COL14A1: variants seen among roughly 807,000 people sequenced by gnomAD.
COL14A1 encodes the protein collagen alpha-1(XIV) chain.
Under a neutral mutation model 230.3 loss-of-function variants are expected in COL14A1, and 136 were observed. That is an observed-to-expected ratio of 0.59 (90% CI 0.51 to 0.68). COL14A1 has a LOEUF of 0.68. Ranked by LOEUF, COL14A1 falls within the 30% of genes least tolerant of loss-of-function variation. The pLI, the probability that COL14A1 is intolerant of heterozygous loss-of-function variation, is 0.00. For missense variants in COL14A1, 1,976 were observed against 2,215.8 expected, an observed-to-expected ratio of 0.89 and a Z score of 2.17; for synonymous variants, 792 against 784.1, an observed-to-expected ratio of 1.01 and a Z score of -0.17.
chr8:120,297,471 A>T (rs777482878), intron 34 of COL14A1, 40 bp from the exon 35 acceptor site: 1 of 992,562 alleles, frequency 1.0e-6, no homozygotes, highest in Non-Finnish European at 1.4e-6. Context: ...GATAATTTAT[A>T]TATATTTTAT....
chr8:120,239,946 G>A (rs1362603131), intron 19 of COL14A1, among the ~76,000 whole-genome samples: 6 of 151,536 alleles, frequency 4.0e-5, no homozygotes, highest in Non-Finnish European at 5.9e-5. Flanking sequence ...TATCATGCAT[G>A]CACTTGTAAG....
rs758294258 is a variant in COL14A1, at chr8:120,372,629, A to T, written c.*1398A>T. 2.6e-5 allele frequency among the ~76,000 whole-genome samples: 4 copies of T among 152,126 alleles called. No individual in the cohort carries two copies. In the South Asian group the frequency reaches 8.3e-4, roughly 32 times the overall value. ...CAACTAGAAGCTGGATTCTTTCTGG[A>T]TCAGGAAAAGGCTAACACGAAGGAT... On this transcript the variant is annotated 3_prime_UTR_variant, in exon 48 of 48. Coordinates refer to ENST00000297848, the MANE Select transcript of COL14A1 (RefSeq NM_021110.4).
chr8:120,188,282 A>G (rs1816706455), intron 5 of COL14A1, among the ~76,000 whole-genome samples: 1 of 152,032 alleles, frequency 6.6e-6, no homozygotes, highest in Non-Finnish European at 1.5e-5. Flanking sequence ...GGGTTTCACC[A>G]TGTTAGCCAG....
intron 5 of COL14A1, among the ~76,000 whole-genome samples, chr8:120,183,398 A>G (rs374980506): frequency 1.8e-4 from 27 of 152,322 alleles, no homozygotes; most frequent in African/African-American, 6.3e-4. Context: ...CCATTTCTTC[A>G]AGGGTTGTCC....
chr8:120,207,406 C>T (rs775735111), intron 10 of COL14A1, among the ~76,000 whole-genome samples: 15 of 122,166 alleles, frequency 1.2e-4, no homozygotes, highest in Non-Finnish European at 2.1e-4. Flanking sequence ...GCCAGGACCC[C>T]TTTTGCTATT....
chr8:120,362,966 T>C (rs927885717), intron 45 of COL14A1, among the ~76,000 whole-genome samples: 20 of 152,196 alleles, frequency 1.3e-4, no homozygotes, highest in Non-Finnish European at 2.9e-5. Context: ...TACCTCAAAC[T>C]TCATTGGAGC....
At chr8:120,264,951 A>G (rs1411716288) in intron 24 of COL14A1, among the ~76,000 whole-genome samples, 1 of 152,046 alleles carries the variant, frequency 6.6e-6, no homozygotes, top group African/African-American at 2.4e-5. Context: ...GTTAAATCCA[A>G]TTTGGATAGC....
intron 44 of COL14A1, 134 bp downstream of exon 44, chr8:120,342,580 A>G (rs1398453473): frequency 1.2e-6 from 1 of 812,884 alleles, no homozygotes; most frequent in African/African-American, 1.7e-5. Context: ...AGCTTTACAG[A>G]TGACCATCAC....
chr8:120,340,104 G>A (rs1387122232), intron 42 of COL14A1, among the ~76,000 whole-genome samples: 1 of 114,878 alleles, frequency 8.7e-6, no homozygotes, highest in Non-Finnish European at 1.8e-5. Context: ...GTTTGTGAGT[G>A]AGTGAGTGTG....
chr8:120,147,065 T>C (rs1452193998), intron 1 of COL14A1, among the ~76,000 whole-genome samples: 1 of 152,028 alleles, frequency 6.6e-6, no homozygotes. Flanking sequence ...TCCCTTCTTT[T>C]TCTAAAAGTT....
intron 19 of COL14A1, among the ~76,000 whole-genome samples, chr8:120,236,683 C>T (rs1454338743): frequency 6.6e-6 from 1 of 151,924 alleles, no homozygotes; most frequent in South Asian, 2.1e-4. Flanking sequence ...GTTATTTAGC[C>T]CATTAGTTGA....
chr8:120,309,065 G>A (rs890478965), intron 36 of COL14A1, among the ~76,000 whole-genome samples: 4 of 152,154 alleles, frequency 2.6e-5, no homozygotes, highest in Non-Finnish European at 4.4e-5. Context: ...CTCCTGAGTA[G>A]CTGGGACTGC....
At chr8:120,168,490 T>G (rs1815990790) in intron 5 of COL14A1, among the ~76,000 whole-genome samples, 1 of 152,204 alleles carries the variant, frequency 6.6e-6, no homozygotes, top group East Asian at 1.9e-4. Flanking sequence ...ATATTTCTTG[T>G]TCTGTGCATA....
intron 40 of COL14A1, among the ~76,000 whole-genome samples, chr8:120,323,810 G>T (rs1289795426): frequency 2.6e-5 from 4 of 152,042 alleles, no homozygotes; most frequent in African/African-American, 9.7e-5. Context: ...TGTTCTTTTG[G>T]TTATCGTACC....
At chr8:120,254,325 TA>T (rs1438469142) in intron 22 of COL14A1, among the ~76,000 whole-genome samples, 3 of 152,208 alleles carry the variant, frequency 2.0e-5, no homozygotes, top group Admixed American at 1.3e-4. Flanking sequence ...TCACAATGTC[TA>T]AGATTAATAG....
At chr8:120,199,253 G>A in intron 7 of COL14A1, 149 bp from the exon 8 acceptor site, 1 of 655,166 alleles carries the variant, frequency 1.5e-6, no homozygotes, top group Non-Finnish European at 2.3e-6. Context: ...TTGAATCTGT[G>A]AAAGACAACG....
chr8:120,152,892 G>A (rs368920360), intron 2 of COL14A1, among the ~76,000 whole-genome samples: 1 of 152,110 alleles, frequency 6.6e-6, no homozygotes, highest in Non-Finnish European at 1.5e-5. Flanking sequence ...TGGAGACTTC[G>A]CATAGGGGCT....
chr8:120,370,583 T>A (rs1049409455), intron 47 of COL14A1: 1 of 1,455,310 alleles, frequency 6.9e-7, no homozygotes. Flanking sequence ...AACCAAATCA[T>A]ATATGTCTAT....
At chr8:120,209,228 A>C (rs1203078371) in intron 11 of COL14A1, among the ~76,000 whole-genome samples, 1 of 152,066 alleles carries the variant, frequency 6.6e-6, no homozygotes, top group African/African-American at 2.4e-5. Flanking sequence ...AAATTAGCTG[A>C]GCATGGTGGC....
Sources: gnomAD v4.1 joint callset for allele counts (sites outside exome capture counted in the v4.1 genomes callset) on GRCh38, gnomAD v4.1.1 for gene constraint, MANE v1.5 for transcripts, NCBI Gene and HGNC (gene_info 2026-07-23, HGNC 2026-07-21) for gene names.